RAD23B: variants seen among roughly 807,000 people sequenced by gnomAD.
RAD23B encodes the protein RAD23 nucleotide excision repair protein B, also known as lysine-specific demethylase RAD23B.
RAD23B carries 5 observed loss-of-function variants against 49.1 expected under a neutral mutation model. The ratio of observed to expected loss-of-function variants is 0.10; its 90% CI spans 0.05 to 0.21. The LOEUF is 0.21. Ranked by LOEUF, RAD23B falls within the 10% of genes least tolerant of loss-of-function variation. The pLI is 1.00. For missense variants in RAD23B, 356 were observed against 486.7 expected (o/e 0.73, Z 2.53); for synonymous variants, 184 against 165.4 (o/e 1.11, Z -0.86).
rs1182543787 is a variant in RAD23B, at chr9:107,283,640, C to T, written c.11C>T (p.Thr4Ile). ...CTGCGCGGCGGCACCATGCAGGTCA[C>T]CCTGAAGACCCTCCAGCAGCAGACC... Reference protein sequence around the residue: MQVTLKTLQQQTFK... With the variant: MQVILKTLQQQTFK... The change falls in exon 1 of 10, where the codon ACC (threonine) becomes ATC (isoleucine). Residue 4 changes from threonine to isoleucine, a missense_variant. Around this residue, in one of 5 missense-constraint regions of RAD23B, gnomAD observed 31 missense variants for 23.5 expected, o/e 1.32. Transcript: ENST00000358015. 6.1e-6 allele frequency: 9 copies of T among 1,486,008 alleles called. No homozygotes were observed. Among genetic ancestry groups the T allele is most frequent in the Non-Finnish European group, 3.6e-6 (4 of 1,116,284 alleles). 92.1% of individuals were successfully genotyped at this position (1,486,008 alleles called of 1,614,324 possible).
Position 107,289,311 on chromosome 9 carries a change from A to G in RAD23B, c.66+5616A>G, listed in dbSNP as rs372451264. 2.0e-5 allele frequency among the ~76,000 whole-genome samples: 3 copies of G among 151,998 alleles called. No individual in the cohort carries two copies. The East Asian group carries it at 5.8e-4, about 29-fold the overall frequency. On this transcript the variant is annotated intron_variant, in intron 1 of 9. Coordinates refer to ENST00000358015, the MANE Select transcript of RAD23B (RefSeq NM_002874.5). ...GTGATCCTCCACCCTAAGCCTCCCC[A>G]GTAGCTGGGACTACGGGGGCATGCC...
intron 2 of RAD23B, 134 bp from the exon 3 acceptor site, chr9:107,301,901 C>A: frequency 1.6e-6 from 2 of 1,228,050 alleles, no homozygotes; most frequent in Non-Finnish European, 1.1e-6. Context: ...AAAGTATTAA[C>A]TGATAGAATT....
In RAD23B at chr9:107,300,134, C is replaced by T. The variant is rs200077960; in HGVS notation, c.67-7C>T. ...TTTTCCAAAACAAATCTTTATTTTT[C>T]CTATAGGTGAAAGCACTGAAAGAGA... On this transcript the variant is annotated splice_polypyrimidine_tract_variant and splice_region_variant and intron_variant, in intron 1 of 9. Coordinates refer to ENST00000358015, the MANE Select transcript of RAD23B (RefSeq NM_002874.5). 82 of 1,590,414 alleles carry T rather than the reference C, an allele frequency of 5.2e-5. No individual in the cohort carries two copies. The highest frequency in any genetic ancestry group is 4.5e-5 in the Non-Finnish European group (53 of 1,171,272).
At chr9:107,284,254 GA>G (rs1244507076) in intron 1 of RAD23B, 2 of 981,490 alleles carry the variant, frequency 2.0e-6, no homozygotes, top group African/African-American at 3.5e-5. Context: ...ATTTGCAAAT[GA>G]ATCGTTCTGC....
Position 107,283,613 on chromosome 9 carries a change from A to T in RAD23B, c.-17A>T. ...GCACCCGGCGCAGGCCCGGCAGCCG[A>T]GCTGCGCGGCGGCACCATGCAGGTC... On this transcript the variant is annotated 5_prime_UTR_variant, in exon 1 of 10. Transcript: ENST00000358015. 1 of 1,471,310 alleles carries T rather than the reference A, an allele frequency of 6.8e-7. No individual in the cohort carries two copies. Among genetic ancestry groups the T allele is most frequent in the African/African-American group, 1.5e-5 (1 of 67,930 alleles). 91.1% of individuals were successfully genotyped at this position (1,471,310 alleles called of 1,614,324 possible). A position where few individuals can be genotyped will look rare whatever the true frequency, so the allele number is the denominator to read the frequency against.
At chr9:107,311,472 G>C (rs1226338746) in intron 4 of RAD23B, among the ~76,000 whole-genome samples, 1 of 152,116 alleles carries the variant, frequency 6.6e-6, no homozygotes, top group East Asian at 1.9e-4. Flanking sequence ...AATAGAAGGA[G>C]TACCAAGATT....
intron 1 of RAD23B, 114 bp downstream of exon 1, chr9:107,283,809 GGGC>G (rs1833211377): frequency 1.9e-6 from 2 of 1,041,518 alleles, no homozygotes; most frequent in African/African-American, 3.4e-5. Flanking sequence ...GGCGCGATGA[GGGC>G]CCTGGGTCCT....
At chr9:107,329,331 G>A (rs1222190489) in intron 9 of RAD23B, among the ~76,000 whole-genome samples, 2 of 152,194 alleles carry the variant, frequency 1.3e-5, no homozygotes, top group Non-Finnish European at 2.9e-5. Context: ...AAAGGAAAGG[G>A]TCTAGATTCC....
At chr9:107,300,028 T>C (rs1826615392) in intron 1 of RAD23B, 113 bp from the exon 2 acceptor site, 18 of 1,310,876 alleles carry the variant, frequency 1.4e-5, no homozygotes, top group Non-Finnish European at 1.7e-5. Flanking sequence ...TTTGAGGTTT[T>C]GGAAACATTA....
chr9:107,300,090 G>A, intron 1 of RAD23B, 51 bp from the exon 2 acceptor site: 2 of 1,575,092 alleles, frequency 1.3e-6, no homozygotes, highest in Non-Finnish European at 1.7e-6. Flanking sequence ...ATTCTGGATT[G>A]TCATTTTTTA....
At chr9:107,295,541 C>A (rs752682459) in intron 1 of RAD23B, among the ~76,000 whole-genome samples, 2 of 152,144 alleles carry the variant, frequency 1.3e-5, no homozygotes, top group African/African-American at 2.4e-5. Context: ...ATAAGTTCCT[C>A]TGTCTTCTGT....
intron 1 of RAD23B, among the ~76,000 whole-genome samples, chr9:107,291,331 G>A (rs1833381041): frequency 6.6e-6 from 1 of 152,156 alleles, no homozygotes; most frequent in Non-Finnish European, 1.5e-5. Flanking sequence ...AAATCATACT[G>A]TTAGGAATAT....
intron 5 of RAD23B, among the ~76,000 whole-genome samples, chr9:107,314,605 T>C (rs913928251): frequency 3.3e-5 from 5 of 152,230 alleles, no homozygotes; most frequent in Non-Finnish European, 5.9e-5. Context: ...ATATCTTTAC[T>C]ATTGTGAATA....
chr9:107,331,698 AAAAC>A lies in RAD23B; in HGVS notation c.*2044_*2047del, dbSNP rs1827312905. The A allele has an allele frequency of 5.1e-6, 4 of 779,120 alleles. No homozygotes were observed. The highest frequency in any genetic ancestry group is 4.9e-5 in the East Asian group (2 of 41,236). The allele number at this position is 779,120 out of a possible 1,614,324, so 48.3% of individuals were successfully genotyped here. ...TAGTGAAAACTGGAAACAAAAAAAA[AAAAC>A]AGCCTCTTCTTGGAAAGTGACAGCA... On this transcript the variant is annotated 3_prime_UTR_variant, in exon 10 of 10. Coordinates refer to ENST00000358015, the MANE Select transcript of RAD23B (RefSeq NM_002874.5).
At chr9:107,302,698 C>G (rs1373054771) in intron 3 of RAD23B, among the ~76,000 whole-genome samples, 1 of 151,326 alleles carries the variant, frequency 6.6e-6, no homozygotes, top group African/African-American at 2.4e-5. Context: ...CTCTGTTGCC[C>G]AGGCTGGAGC....
At chr9:107,311,115 CT>C (rs1449653211) in intron 4 of RAD23B, among the ~76,000 whole-genome samples, 1 of 152,184 alleles carries the variant, frequency 6.6e-6, no homozygotes, top group African/African-American at 2.4e-5. Context: ...GAAACTTAAT[CT>C]CTTTAAACTG....
At position 107,330,857 on chromosome 9, in the gene RAD23B, TATCTC is replaced by T. The variant is rs1190227337; in HGVS notation, c.*1204_*1208del. On this transcript the variant is annotated 3_prime_UTR_variant, in exon 10 of 10. Transcript: ENST00000358015. This position sits in a 1 kb window ranked among gnomAD's most constrained non-coding sequence, Gnocchi z 4.4. ...TACTTTGGAAAATATACAATCAAGA[TATCTC>T]ATGGCATATTAAAAGAAAAATCTTA... 6.6e-6 allele frequency: 1 copy of T among 152,650 alleles called. No homozygotes were observed. The highest frequency in any genetic ancestry group is 1.5e-5 in the Non-Finnish European group (1 of 68,044). The allele number at this position is 152,650 out of a possible 1,614,324, so 9.5% of individuals were successfully genotyped here. A position where few individuals can be genotyped will look rare whatever the true frequency, so the allele number is the denominator to read the frequency against.
intron 3 of RAD23B, among the ~76,000 whole-genome samples, 158 bp downstream of exon 3, chr9:107,302,272 A>T (rs1361255276): frequency 1.3e-5 from 2 of 152,212 alleles, no homozygotes; most frequent in Non-Finnish European, 2.9e-5. Context: ...AGTGAAACAT[A>T]AAGTTATTAA....
intron 2 of RAD23B, among the ~76,000 whole-genome samples, chr9:107,300,546 A>C (rs117903057): frequency 0.011 from 1,710 of 151,928 alleles, 19 homozygotes; most frequent in Non-Finnish European, 0.016. Flanking sequence ...TGTTATTATT[A>C]GTATGCTTGG....
Sources: allele counts gnomAD v4.1 joint callset (sites outside exome capture counted in the v4.1 genomes callset), GRCh38; gene constraint gnomAD v4.1.1; regional missense constraint gnomAD v4.1.1; non-coding constraint Gnocchi (gnomAD v3.1); transcripts MANE v1.5; gene names NCBI Gene and HGNC (gene_info 2026-07-23, HGNC 2026-07-21).